AHCYL2: variants seen among roughly 807,000 people sequenced by gnomAD.
AHCYL2 encodes the protein S-adenosylhomocysteine hydrolase-like protein 2.
In AHCYL2, 28 loss-of-function variants were observed where a neutral mutation model predicts 81.4. The observed-to-expected ratio is 0.34, with a 90% CI of 0.25 to 0.47. The LOEUF (loss-of-function observed/expected upper bound fraction) is 0.47, where lower values mean the gene tolerates loss of function less well. Ranked by LOEUF, AHCYL2 falls within the 20% of genes least tolerant of loss-of-function variation. AHCYL2 has a pLI of 1.00. For missense variants in AHCYL2, 551 were observed against 785.1 expected, an observed-to-expected ratio of 0.70 and a Z score of 3.56; for synonymous variants, 272 against 290.2, an observed-to-expected ratio of 0.94 and a Z score of 0.64.
intron 1 of AHCYL2, 118 bp downstream of exon 1, chr7:129,225,557 C>G (rs2150666803): frequency 1.5e-6 from 2 of 1,375,352 alleles, no homozygotes; most frequent in Non-Finnish European, 1.9e-6. Flanking sequence ...ACCGGAGATA[C>G]CCCTTGTCCC....
At chr7:129,340,926 T>C (rs1015682440) in intron 1 of AHCYL2, among the ~76,000 whole-genome samples, 5 of 152,210 alleles carry the variant, frequency 3.3e-5, no homozygotes, top group Admixed American at 1.3e-4. Context: ...GAGCTCATAT[T>C]TTGTATATAT....
At chr7:129,335,196 G>C (rs1351510767) in intron 1 of AHCYL2, among the ~76,000 whole-genome samples, 1 of 151,926 alleles carries the variant, frequency 6.6e-6, no homozygotes, top group Non-Finnish European at 1.5e-5. Flanking sequence ...GTGAAACTCT[G>C]TCTCTACAAA....
intron 1 of AHCYL2, among the ~76,000 whole-genome samples, chr7:129,242,058 T>A (rs1794878594): frequency 6.6e-6 from 1 of 152,210 alleles, no homozygotes; most frequent in African/African-American, 2.4e-5. Context: ...ATAGCATTGT[T>A]TTGTTTATAA....
At chr7:129,361,624 ATG>A (rs1793933439) in intron 1 of AHCYL2, among the ~76,000 whole-genome samples, 1 of 152,076 alleles carries the variant, frequency 6.6e-6, no homozygotes, top group African/African-American at 2.4e-5. Flanking sequence ...TAGTTATTTT[ATG>A]TATGTGTGTG....
intron 1 of AHCYL2, chr7:129,375,917 T>C: frequency 6.5e-7 from 1 of 1,536,142 alleles, no homozygotes; most frequent in African/African-American, 1.4e-5. Flanking sequence ...ACTCTGGGAT[T>C]AAGGCCCAGG....
At chr7:129,339,807 G>A (rs2150813764) in intron 1 of AHCYL2, among the ~76,000 whole-genome samples, 1 of 152,064 alleles carries the variant, frequency 6.6e-6, no homozygotes, top group Middle Eastern at 3.4e-3. Flanking sequence ...TGGGACTACA[G>A]GCATGAGCCA....
intron 1 of AHCYL2, among the ~76,000 whole-genome samples, chr7:129,249,025 T>TCTC (rs1795156344): frequency 7.0e-6 from 1 of 143,388 alleles, no homozygotes; most frequent in Admixed American, 7.4e-5. Flanking sequence ...GGAGACATAG[T>TCTC]CTCACTTCCT....
intron 1 of AHCYL2, among the ~76,000 whole-genome samples, chr7:129,288,548 C>G (rs143192325): frequency 6.6e-6 from 1 of 150,624 alleles, no homozygotes; most frequent in Admixed American, 6.6e-5. Flanking sequence ...TTAGTAGAGA[C>G]AGGGTCTCAT....
rs147510788 is a variant in AHCYL2, at chr7:129,409,288, C to T, written c.1296-188C>T. On this transcript the variant is annotated intron_variant, in intron 10 of 16. Coordinates refer to ENST00000325006, the MANE Select transcript of AHCYL2 (RefSeq NM_015328.4). ...CCCTATTATCAGGAAGAAATAAGTT[C>T]CGTGATGCAAACGAACCTTTTATTT... Among the ~76,000 whole-genome samples the T allele has an allele frequency of 3.5e-3, 531 of 152,284 alleles. 3 individuals are homozygous for T. The highest frequency in any genetic ancestry group is 0.014 in the South Asian group (66 of 4,822).
At chr7:129,279,698 G>A (rs1193016116) in intron 1 of AHCYL2, among the ~76,000 whole-genome samples, 1 of 152,190 alleles carries the variant, frequency 6.6e-6, no homozygotes, top group African/African-American at 2.4e-5. Flanking sequence ...GATCATATAT[G>A]TTCAACAAGG....
At chr7:129,235,601 T>A (rs1321348750) in intron 1 of AHCYL2, among the ~76,000 whole-genome samples, 1 of 150,968 alleles carries the variant, frequency 6.6e-6, no homozygotes, top group African/African-American at 2.4e-5. Context: ...TTTTGTATTT[T>A]TTGTAGAGAT....
intron 1 of AHCYL2, among the ~76,000 whole-genome samples, chr7:129,278,006 T>G (rs1017773775): frequency 2.0e-5 from 3 of 152,202 alleles, no homozygotes; most frequent in African/African-American, 7.2e-5. Flanking sequence ...GCCAAACTGT[T>G]TTCCAAAGAG....
chr7:129,371,185 A>C (rs1207181871), intron 1 of AHCYL2, among the ~76,000 whole-genome samples: 1 of 152,220 alleles, frequency 6.6e-6, no homozygotes, highest in East Asian at 1.9e-4. Flanking sequence ...GTTCCCATTT[A>C]CATATTAGTG....
chr7:129,282,779 T>A (rs1460468621), intron 1 of AHCYL2, among the ~76,000 whole-genome samples: 7 of 152,280 alleles, frequency 4.6e-5, no homozygotes, highest in African/African-American at 1.4e-4. Context: ...ATTTTTTTTT[T>A]ATTTGTTCTG....
chr7:129,316,303 A>G (rs1265905045), intron 1 of AHCYL2, among the ~76,000 whole-genome samples: 2 of 152,218 alleles, frequency 1.3e-5, no homozygotes, highest in African/African-American at 4.8e-5. Flanking sequence ...TCCAACTACA[A>G]GATCCAGGAG....
intron 1 of AHCYL2, among the ~76,000 whole-genome samples, chr7:129,245,746 A>G (rs1030986648): frequency 1.3e-5 from 2 of 152,152 alleles, no homozygotes; most frequent in African/African-American, 4.8e-5. Flanking sequence ...TTGTTTATTC[A>G]TTTGTTAATG....
At chr7:129,327,978 T>G (rs905476633) in intron 1 of AHCYL2, among the ~76,000 whole-genome samples, 3 of 152,058 alleles carry the variant, frequency 2.0e-5, no homozygotes, top group African/African-American at 7.2e-5. Flanking sequence ...ATTTTTCTTT[T>G]GTAGAGACGA....
intron 1 of AHCYL2, among the ~76,000 whole-genome samples, chr7:129,248,586 CTG>C (rs1380244625): frequency 7.0e-6 from 1 of 142,188 alleles, no homozygotes; most frequent in East Asian, 2.0e-4. Context: ...TGAGGGCTGA[CTG>C]TTGGAATTGG....
rs1794171288 is a variant in AHCYL2 at position 129,225,332 on chromosome 7, A to G, written c.256A>G (p.Met86Val). Residue 86 changes from methionine (M) to valine (V), a missense_variant, in exon 1 of 17, where the codon ATG (methionine) becomes GTG (valine). Physicochemically the swap from Met to Val is conservative, Grantham distance 21. Transcript: ENST00000325006. ...AAGKVPQASA[M>V]KRSDPHHQHQ... ...CGGGAAGGTGCCTCAGGCGTCGGCCATGAAGCGGAGCGACCCACATCACCA... is the reference window on the plus strand; with the variant it reads ...CGGGAAGGTGCCTCAGGCGTCGGCCGTGAAGCGGAGCGACCCACATCACCA... The G allele has an allele frequency of 8.7e-6, 13 of 1,498,642 alleles. No individual in the cohort carries two copies. The highest frequency in any genetic ancestry group is 1.1e-5 in the Non-Finnish European group (13 of 1,131,538). The allele number at this position is 1,498,642 out of a possible 1,614,324, so 92.8% of individuals were successfully genotyped here.
Sources: allele counts gnomAD v4.1 joint callset (sites outside exome capture counted in the v4.1 genomes callset), GRCh38; gene constraint gnomAD v4.1.1; transcripts MANE v1.5; gene names NCBI Gene and HGNC (gene_info 2026-07-23, HGNC 2026-07-21).